PALS1: variants seen among roughly 807,000 people sequenced by gnomAD.
The protein encoded by PALS1 is protein associated with LIN7 1, MAGUK p55 family member.
PALS1 carries 31 observed loss-of-function variants against 78.9 expected under a neutral mutation model. That is an observed-to-expected ratio of 0.39 (90% confidence interval 0.30 to 0.53). The LOEUF (loss-of-function observed/expected upper bound fraction) is 0.53. Ranked by LOEUF, PALS1 falls within the 20% of genes least tolerant of loss-of-function variation. PALS1 has a pLI of 0.67. For synonymous variants in PALS1, 276 were observed against 270.9 expected (o/e 1.02, Z -0.18); for missense variants, 704 against 826.5 (o/e 0.85, Z 1.82).
chr14:67,266,979 C>T (rs1282527087), intron 1 of PALS1, among the ~76,000 whole-genome samples: 1 of 151,732 alleles, frequency 6.6e-6, no homozygotes, highest in African/African-American at 2.4e-5. Flanking sequence ...CGTGGTGGCC[C>T]ATTCCTGTAC....
At chr14:67,260,896 GA>G (rs1305488251) in intron 1 of PALS1, among the ~76,000 whole-genome samples, 1 of 152,048 alleles carries the variant, frequency 6.6e-6, no homozygotes, top group Non-Finnish European at 1.5e-5. Flanking sequence ...AAAGAAAATG[GA>G]AAAAGTATTC....
rs544538267 is a variant in PALS1, at chr14:67,323,843, T to C, written c.1851+31T>C. On this transcript the variant is annotated intron_variant, in intron 14 of 14. Coordinates refer to ENST00000261681, the MANE Select transcript of PALS1 (RefSeq NM_022474.4). ...GTTTTCACACTATTGTACTATTCCATTGAAGGTAAACATGAAACAGTCCTG... is the reference window on the plus strand; with the variant it reads ...GTTTTCACACTATTGTACTATTCCACTGAAGGTAAACATGAAACAGTCCTG... 137 of 1,168,064 alleles carry C rather than the reference T, an allele frequency of 1.2e-4. 1 individual carries two copies. The South Asian group carries it at 1.8e-3, about 16-fold the overall frequency. 72.4% of individuals were successfully genotyped at this position (1,168,064 alleles called of 1,614,324 possible). A position where few individuals can be genotyped will look rare whatever the true frequency, so the allele number is the denominator to read the frequency against.
chr14:67,275,967 C>A (rs1372952384), intron 2 of PALS1, among the ~76,000 whole-genome samples: 1 of 151,924 alleles, frequency 6.6e-6, no homozygotes, highest in Non-Finnish European at 1.5e-5. Context: ...GGTGGTGATA[C>A]CCCCTTTATC....
chr14:67,302,193 C>A, intron 6 of PALS1, 75 bp downstream of exon 6: 1 of 1,449,628 alleles, frequency 6.9e-7, no homozygotes, highest in South Asian at 1.5e-5. Flanking sequence ...TGGTTAATTT[C>A]AGAATTCTAA....
intron 4 of PALS1, 76 bp downstream of exon 4, chr14:67,292,795 C>G (rs1364328785): frequency 1.9e-6 from 2 of 1,065,948 alleles, no homozygotes; most frequent in Non-Finnish European, 2.8e-6. Context: ...TTGGAAAATA[C>G]TAATGTGACT....
At chr14:67,249,802 A>G (rs929403591) in intron 1 of PALS1, among the ~76,000 whole-genome samples, 2 of 152,228 alleles carry the variant, frequency 1.3e-5, no homozygotes, top group Non-Finnish European at 2.9e-5. Flanking sequence ...TTTTGTTTTG[A>G]TGTAAGAAGT....
intron 14 of PALS1, among the ~76,000 whole-genome samples, chr14:67,327,640 T>TC (rs1566584402): frequency 6.6e-6 from 1 of 151,412 alleles, no homozygotes; most frequent in African/African-American, 2.4e-5. Context: ...CCCTCCCCTC[T>TC]CCCCCCACCC....
chr14:67,277,115 T>A (rs982244458), intron 2 of PALS1, among the ~76,000 whole-genome samples: 3 of 152,196 alleles, frequency 2.0e-5, no homozygotes, highest in African/African-American at 7.2e-5. Context: ...ATGAAAACAT[T>A]TAAAAAGCTG....
In PALS1 at chr14:67,306,149, T is replaced by C. The variant is rs532212004; in HGVS notation, c.1041+2550T>C. Among the ~76,000 whole-genome samples the C allele has an allele frequency of 7.2e-5, 11 of 152,254 alleles. No individual in the cohort carries two copies. In the South Asian group the frequency reaches 2.3e-3, roughly 32 times the overall value. On this transcript the variant is annotated intron_variant, in intron 8 of 14. Coordinates refer to ENST00000261681, the MANE Select transcript of PALS1 (RefSeq NM_022474.4). Reference sequence around the variant, plus strand: ...CACATCCAGCTAATTTTTGTATTTTTAGCAGAGATGGGGTTTCACTATGTT... The same window carrying C: ...CACATCCAGCTAATTTTTGTATTTTCAGCAGAGATGGGGTTTCACTATGTT...
At chr14:67,261,220 C>T (rs947030420) in intron 1 of PALS1, among the ~76,000 whole-genome samples, 10 of 151,990 alleles carry the variant, frequency 6.6e-5, no homozygotes, top group African/African-American at 1.7e-4. Flanking sequence ...AGGAGTGCTT[C>T]GGAAAGTTAA....
intron 2 of PALS1, among the ~76,000 whole-genome samples, chr14:67,275,152 CTG>C (rs2084481099): frequency 6.6e-6 from 1 of 152,202 alleles, no homozygotes; most frequent in South Asian, 2.1e-4. Context: ...ACTTCCAACA[CTG>C]TGTTGAATAG....
At chr14:67,332,682 T>C in intron 14 of PALS1, 98 bp from the exon 15 acceptor site, 1 of 1,145,262 alleles carries the variant, frequency 8.7e-7, no homozygotes, top group Non-Finnish European at 1.2e-6. Flanking sequence ...GAAGGAAAGC[T>C]ATGAAGGTCG....
At chr14:67,329,509 ACT>A (rs2085409497) in intron 14 of PALS1, among the ~76,000 whole-genome samples, 1 of 152,146 alleles carries the variant, frequency 6.6e-6, no homozygotes, top group South Asian at 2.1e-4. Flanking sequence ...AACTTCCAAC[ACT>A]GTGTTGAATA....
rs750686516 is a variant in PALS1, at chr14:67,320,364, A to C, written c.1504A>C (p.Lys502Gln). The C allele has an allele frequency of 4.3e-6, 7 of 1,610,362 alleles. No individual in the cohort carries two copies. In the South Asian group the frequency reaches 4.4e-5, roughly 10 times the overall value. ...QNELRQRLMNKEKDRFASAVP... is the reference protein window; with the variant it reads ...QNELRQRLMNQEKDRFASAVP... ...TGAATTGCGTCAGAGGCTCATGAAC[A>C]AAGAAAAGGACCGCTTTGCATCTGC... Residue 502 changes from lysine (K) to glutamine (Q), a missense_variant, in exon 12 of 15, where the codon AAA (lysine) becomes CAA (glutamine). Coordinates refer to ENST00000261681, the MANE Select transcript of PALS1 (RefSeq NM_022474.4).
intron 1 of PALS1, among the ~76,000 whole-genome samples, chr14:67,264,175 A>C (rs1332732702): frequency 2.6e-5 from 4 of 152,228 alleles, no homozygotes; most frequent in South Asian, 2.1e-4. Flanking sequence ...TGTTTATTTT[A>C]AAGTGTTTGT....
rs1354103320 is a variant in PALS1, at chr14:67,279,043, A to G, written c.-128A>G. ...ATTTCCTTCATGGATACTTTTTCAT[A>G]GCATTATTATGTGATGTGAGAAGTT... On this transcript the variant is annotated 5_prime_UTR_variant, in exon 3 of 15. The change creates a new upstream start codon in the 5' untranslated region. Coordinates refer to ENST00000261681, the MANE Select transcript of PALS1 (RefSeq NM_022474.4). 2.5e-6 allele frequency: 2 copies of G among 810,960 alleles called. No homozygotes were observed. The highest frequency in any genetic ancestry group is 3.5e-6 in the Non-Finnish European group (2 of 568,368). 50.2% of individuals were successfully genotyped at this position (810,960 alleles called of 1,614,324 possible). A position where few individuals can be genotyped will look rare whatever the true frequency, so the allele number is the denominator to read the frequency against.
chr14:67,329,863 TAAA>T (rs755630077), intron 14 of PALS1, among the ~76,000 whole-genome samples: 23,325 of 150,164 alleles, frequency 0.16, 3,447 homozygotes, highest in East Asian at 0.42. Flanking sequence ...AATAAATAAA[TAAA>T]TAAATAAATA....
chr14:67,325,870 G>GT (rs1444744806), intron 14 of PALS1, among the ~76,000 whole-genome samples: 4 of 150,806 alleles, frequency 2.7e-5, no homozygotes, highest in Admixed American at 1.3e-4. Context: ...ATGCAGTGGC[G>GT]TAATCTTGGC....
intron 1 of PALS1, among the ~76,000 whole-genome samples, chr14:67,246,654 T>TG (rs1338281082): frequency 6.8e-6 from 1 of 146,516 alleles, no homozygotes; most frequent in Non-Finnish European, 1.5e-5. Context: ...TATAGGTTTT[T>TG]TTTTTTTTTT....
Sources: gnomAD v4.1 joint callset for allele counts (sites outside exome capture counted in the v4.1 genomes callset) on GRCh38, gnomAD v4.1.1 for gene constraint, MANE v1.5 for transcripts, NCBI Gene and HGNC (gene_info 2026-07-23, HGNC 2026-07-21) for gene names.